The following APC variants were observed in gnomAD, a reference collection of about 807,000 sequenced individuals.
APC encodes APC regulator of Wnt signaling pathway.
A neutral mutation model predicts 247.0 loss-of-function variants in APC; 72 were observed. The ratio of observed to expected loss-of-function variants is 0.29; its 90% CI spans 0.24 to 0.35. The LOEUF is 0.35. Ranked by LOEUF, APC falls within the 10% of genes least tolerant of loss-of-function variation. The pLI is 1.00. For synonymous variants in APC, 1,254 were observed against 1,162.5 expected (o/e 1.08, Z -1.60); for missense variants, 3,400 against 3,360.7 (o/e 1.01, Z -0.29).
At chr5:112,759,601 C>T (rs1400590199) in intron 2 of APC, among the ~76,000 whole-genome samples, 1 of 152,044 alleles carries the variant, frequency 6.6e-6, no homozygotes, top group Non-Finnish European at 1.5e-5. Flanking sequence ...TGTGATCCTC[C>T]TGCCTCGGCC....
intron 1 of APC, among the ~76,000 whole-genome samples, chr5:112,730,711 C>T (rs1245332136): frequency 6.6e-6 from 1 of 152,176 alleles, no homozygotes; most frequent in Non-Finnish European, 1.5e-5. Flanking sequence ...TCCCACCCAG[C>T]TGCCCCTTTA....
intron 1 of APC, among the ~76,000 whole-genome samples, chr5:112,728,218 C>T (rs775279335): frequency 5.3e-5 from 8 of 152,102 alleles, no homozygotes; most frequent in Non-Finnish European, 8.8e-5. Flanking sequence ...GCCTCCACCT[C>T]CTGGGTTCAA....
At chr5:112,751,389 G>A (rs1192416787) in intron 1 of APC, among the ~76,000 whole-genome samples, 1 of 151,926 alleles carries the variant, frequency 6.6e-6, no homozygotes, top group Non-Finnish European at 1.5e-5. Context: ...GCTTTATATA[G>A]TATTTTTACT....
rs1757031490 is a variant in APC, at chr5:112,771,397, A to G, written c.422+4007A>G. ...TTCCTGAGCCTGCTACAAGACTGTC[A>G]TACCACTGTTGTCATTATGCTTCCC... On this transcript the variant is annotated intron_variant, in intron 4 of 15. Coordinates refer to ENST00000257430, the MANE Select transcript of APC (RefSeq NM_000038.6). Among the ~76,000 whole-genome samples, 3 of 152,150 alleles carry G rather than the reference A, an allele frequency of 2.0e-5. No homozygotes were observed. In the South Asian group the frequency reaches 6.2e-4, roughly 31 times the overall value.
chr5:112,815,603 G>C lies in APC; in HGVS notation c.933+10G>C, dbSNP rs749008865. 9 of 1,603,394 alleles carry C rather than the reference G, an allele frequency of 5.6e-6. No individual in the cohort carries two copies. In the East Asian group the frequency reaches 1.1e-4, roughly 20 times the overall value. On this transcript the variant is annotated intron_variant, in intron 9 of 15. Transcript: ENST00000257430. ...TCATCTGGGAACCAAGGTAACAGAA[G>C]ATTACAAACCCTGGTCACTAATGCC...
In APC at chr5:112,841,952, G is replaced by T. The variant is rs754015152; in HGVS notation, c.6358G>T (p.Ala2120Ser). The T allele has an allele frequency of 6.2e-6, 10 of 1,613,920 alleles. No homozygotes were observed. The highest frequency in any genetic ancestry group is 8.5e-6 in the Non-Finnish European group (10 of 1,179,892). Reference protein sequence around the residue: ...SIVSSLHQAAAAACLSRQASS... With the variant: ...SIVSSLHQAASAACLSRQASS... ...AGTAAGTAGTTTACATCAAGCTGCTGCTGCTGCATGTTTATCTAGACAAGC... is the reference window on the plus strand; with the variant it reads ...AGTAAGTAGTTTACATCAAGCTGCTTCTGCTGCATGTTTATCTAGACAAGC... The change falls in exon 16 of 16, where the codon GCT becomes TCT. Residue 2120 changes from alanine to serine, a missense_variant. Ala to Ser is a moderately conservative substitution (Grantham distance 99). Coordinates refer to ENST00000257430, the MANE Select transcript of APC (RefSeq NM_000038.6). This position sits in a 1 kb window ranked among gnomAD's most constrained non-coding sequence, Gnocchi z 4.6.
At chr5:112,810,940 A>G (rs762668629) in intron 8 of APC, among the ~76,000 whole-genome samples, 1 of 152,100 alleles carries the variant, frequency 6.6e-6, no homozygotes, top group Non-Finnish European at 1.5e-5. Flanking sequence ...CAGGAGAATC[A>G]CTTGAACCTG....
chr5:112,828,997 A>C (rs373351850), intron 14 of APC, 25 bp downstream of exon 14: 1 of 1,514,836 alleles, frequency 6.6e-7, no homozygotes, highest in Non-Finnish European at 9.2e-7. Context: ...ATTTAGTACT[A>C]TAATATGAAT....
At chr5:112,789,557 A>G (rs1262306906) in intron 6 of APC, among the ~76,000 whole-genome samples, 1 of 152,208 alleles carries the variant, frequency 6.6e-6, no homozygotes, top group Admixed American at 6.5e-5. Context: ...AGTGGGAGAT[A>G]TAATTTCCTA....
chr5:112,763,236 T>C (rs1755864167), intron 2 of APC, among the ~76,000 whole-genome samples: 1 of 152,014 alleles, frequency 6.6e-6, no homozygotes, highest in African/African-American at 2.4e-5. Flanking sequence ...AAAATCAAAA[T>C]CAACTATTTT....
intron 14 of APC, chr5:112,829,705 C>G (rs908058799): frequency 6.6e-6 from 1 of 152,356 alleles, no homozygotes; most frequent in African/African-American, 2.4e-5. Context: ...TCAAAATTGT[C>G]TCCAGATACT....
chr5:112,746,561 A>C (rs535362105), intron 1 of APC, among the ~76,000 whole-genome samples: 11 of 152,324 alleles, frequency 7.2e-5, no homozygotes, highest in African/African-American at 2.6e-4. Flanking sequence ...ACATTCAAAA[A>C]TCTTATAACT....
At chr5:112,788,205 C>A (rs561426455) in intron 6 of APC, among the ~76,000 whole-genome samples, 1 of 152,218 alleles carries the variant, frequency 6.6e-6, no homozygotes, top group East Asian at 1.9e-4. Context: ...TTTTATAAAT[C>A]TTGATATCCA....
At chr5:112,771,523 A>G (rs983233394) in intron 4 of APC, among the ~76,000 whole-genome samples, 2 of 152,160 alleles carry the variant, frequency 1.3e-5, no homozygotes, top group Non-Finnish European at 2.9e-5. Context: ...TTGCTCTCAC[A>G]CTTGATTGAT....
chr5:112,714,658 A>G (rs1751053219), intron 1 of APC, among the ~76,000 whole-genome samples: 1 of 152,184 alleles, frequency 6.6e-6, no homozygotes, highest in African/African-American at 2.4e-5. Flanking sequence ...AAAATGAAAA[A>G]TATTTTGTAT....
chr5:112,749,010 G>C (rs1561435951), intron 1 of APC, among the ~76,000 whole-genome samples: 2 of 152,236 alleles, frequency 1.3e-5, no homozygotes, highest in South Asian at 4.1e-4. Flanking sequence ...CTTTAGCTCT[G>C]ACAGTTTCCC....
At chr5:112,785,531 A>G (rs1430494792) in intron 6 of APC, among the ~76,000 whole-genome samples, 1 of 152,214 alleles carries the variant, frequency 6.6e-6, no homozygotes, top group Non-Finnish European at 1.5e-5. Flanking sequence ...ATAATGCAAG[A>G]ATTTCCAAAA....
Position 112,807,684 on chromosome 5 carries a change from A to G in APC, c.834+6301A>G, listed in dbSNP as rs576561065. ...CCCACTCTACTGCCACTGGTTTTTA[A>G]AACTTTTTCTTATGGAAAATTTTAA... is the stretch of plus-strand genomic sequence containing the variant. On this transcript the variant is annotated intron_variant, in intron 8 of 15. Transcript: ENST00000257430. Among the ~76,000 whole-genome samples the G allele has an allele frequency of 1.4e-3, 212 of 152,338 alleles. 3 individuals are homozygous for G. The highest frequency in any genetic ancestry group is 5.0e-3 in the African/African-American group (207 of 41,580).
At chr5:112,712,698 G>C (rs1157025625) in intron 1 of APC, among the ~76,000 whole-genome samples, 1 of 151,966 alleles carries the variant, frequency 6.6e-6, no homozygotes, top group African/African-American at 2.4e-5. Flanking sequence ...CAGCATGTGC[G>C]CGTTTGTATT....
Sources: gnomAD v4.1 joint callset for allele counts (sites outside exome capture counted in the v4.1 genomes callset) on GRCh38, gnomAD v4.1.1 for gene constraint, Gnocchi (gnomAD v3.1) non-coding constraint, MANE v1.5 for transcripts, NCBI Gene and HGNC (gene_info 2026-07-23, HGNC 2026-07-21) for gene names.